Variants in TENT4A observed in about 807,000 individuals in gnomAD.
TENT4A encodes terminal nucleotidyltransferase 4A.
A neutral mutation model predicts 72.8 loss-of-function variants in TENT4A; 7 were observed. The observed-to-expected ratio is 0.10, with a 90% CI of 0.05 to 0.18. TENT4A has a LOEUF of 0.18. Ranked by LOEUF, TENT4A falls within the 10% of genes least tolerant of loss-of-function variation. The probability of loss-of-function intolerance (pLI) is 1.00; values close to 1 mark genes in which losing one functional copy is unlikely to be tolerated. For missense variants in TENT4A, 831 were observed against 1,017.7 expected (o/e 0.82, Z 2.50); for synonymous variants, 456 against 434.3 (o/e 1.05, Z -0.62).
At chr5:6,720,571 G>A (rs2126598029) in intron 1 of TENT4A, among the ~76,000 whole-genome samples, 1 of 152,066 alleles carries the variant, frequency 6.6e-6, no homozygotes, top group East Asian at 1.9e-4. Flanking sequence ...GACTACTCGG[G>A]AGGCAGAGGC....
rs747471659 is a variant in TENT4A, at chr5:6,750,314, G to T, written c.1688-17G>T. On this transcript the variant is annotated splice_polypyrimidine_tract_variant and intron_variant, in intron 9 of 12. Coordinates refer to ENST00000230859, the MANE Select transcript of TENT4A (RefSeq NM_006999.6). ...CAGTTCTCAGGAGTTATTAACCAAGGCTTTTTCCCTCCACAGACAGCAGGA... is the reference window on the plus strand; with the variant it reads ...CAGTTCTCAGGAGTTATTAACCAAGTCTTTTTCCCTCCACAGACAGCAGGA... 8 of 1,599,250 alleles carry T rather than the reference G, an allele frequency of 5.0e-6. No homozygotes were observed. In the South Asian group the frequency reaches 9.0e-5, roughly 18 times the overall value.
chr5:6,728,648 G>A (rs1741060630), intron 1 of TENT4A, among the ~76,000 whole-genome samples: 1 of 152,228 alleles, frequency 6.6e-6, no homozygotes, highest in South Asian at 2.1e-4. Context: ...AGCAGCATGA[G>A]GGCCTGTGGT....
intron 1 of TENT4A, among the ~76,000 whole-genome samples, chr5:6,724,120 A>G (rs998164878): frequency 3.3e-5 from 5 of 152,362 alleles, no homozygotes; most frequent in Admixed American, 2.6e-4. Flanking sequence ...AAGTGATTCA[A>G]GCGTCTTGCC....
chr5:6,721,958 T>C (rs1221309108), intron 1 of TENT4A, among the ~76,000 whole-genome samples: 2 of 152,222 alleles, frequency 1.3e-5, no homozygotes, highest in African/African-American at 4.8e-5. Context: ...TCTGGAATCC[T>C]GTCGATCTGA....
chr5:6,750,381 A>C lies in TENT4A; in HGVS notation c.1738A>C (p.Thr580Pro), dbSNP rs755512884. ...AATAGCCACATGCAATGGGGAGCAG[A>C]CGCAGAACCGAGAGCCCGAGTCTCC... ...ERIATCNGEQTQNREPESPYG... is the reference protein window; with the variant it reads ...ERIATCNGEQPQNREPESPYG... The change falls in exon 10 of 13, where the codon ACG becomes CCG. Residue 580 changes from threonine to proline, a missense_variant. By Grantham distance (38) the Thr-to-Pro change is conservative. Transcript: ENST00000230859. 33 of 1,612,994 alleles carry C rather than the reference A, an allele frequency of 2.0e-5. No individual in the cohort carries two copies. Among genetic ancestry groups the C allele is most frequent in the African/African-American group, 2.7e-5 (2 of 74,822 alleles).
Position 6,738,964 on chromosome 5 carries a change from C to T in TENT4A, c.887+235C>T, listed in dbSNP as rs574658908. 5.3e-5 allele frequency among the ~76,000 whole-genome samples: 8 copies of T among 152,306 alleles called. No individual in the cohort carries two copies. The Middle Eastern group carries it at 0.017, about 324-fold the overall frequency. On this transcript the variant is annotated intron_variant, in intron 3 of 12. Transcript: ENST00000230859. ...AATTTGTTGGGGTGCAAAAATGCTTCATGCTGGAAATATGAAGAAGACAGG... is the reference window on the plus strand; with the variant it reads ...AATTTGTTGGGGTGCAAAAATGCTTTATGCTGGAAATATGAAGAAGACAGG...
At position 6,748,582 on chromosome 5, in the gene TENT4A, C is replaced by T. The variant is rs775165936; in HGVS notation, c.1578C>T (p.Asp526=). ...SPLARSYPNR[D]AESTLGRIIK... ...TGGCCAGGTCCTATCCAAACAGAGACGCCGAAAGGTAATGGGTTGTGTGTC... is the reference window on the plus strand; with the variant it reads ...TGGCCAGGTCCTATCCAAACAGAGATGCCGAAAGGTAATGGGTTGTGTGTC... Residue 526 remains aspartate, a synonymous_variant, in exon 8 of 13, where the codon GAC becomes GAT. Transcript: ENST00000230859. 3.9e-5 allele frequency: 63 copies of T among 1,612,794 alleles called. No homozygotes were observed. Among genetic ancestry groups the T allele is most frequent in the African/African-American group, 1.5e-4 (11 of 74,878 alleles).
chr5:6,714,854 T>A (rs1253376518), intron 1 of TENT4A, 155 bp downstream of exon 1: 14 of 317,548 alleles, frequency 4.4e-5, no homozygotes, highest in Non-Finnish European at 7.2e-5. Flanking sequence ...GTTTTTTTTT[T>A]AAACATCAGA....
intron 3 of TENT4A, 29 bp from the exon 4 acceptor site, chr5:6,739,703 A>C (rs1225587833): frequency 6.2e-6 from 10 of 1,612,696 alleles, no homozygotes; most frequent in Non-Finnish European, 7.6e-6. Flanking sequence ...CGAGGGGAGC[A>C]GTGGCTGACG....
intron 1 of TENT4A, among the ~76,000 whole-genome samples, chr5:6,722,693 A>G (rs774806544): frequency 4.6e-4 from 65 of 140,458 alleles, no homozygotes; most frequent in Non-Finnish European, 8.8e-4. Context: ...TAACTCATTT[A>G]AAGTTGGTTA....
chr5:6,715,900 C>T (rs1339903860), intron 1 of TENT4A, among the ~76,000 whole-genome samples: 2 of 152,200 alleles, frequency 1.3e-5, no homozygotes, highest in South Asian at 2.1e-4. Context: ...TCTTCTCTCC[C>T]TCCAGTTCTT....
At chr5:6,731,093 A>G (rs1741188719) in intron 1 of TENT4A, among the ~76,000 whole-genome samples, 2 of 152,232 alleles carry the variant, frequency 1.3e-5, no homozygotes, top group South Asian at 4.1e-4. Context: ...TAAAATCTAC[A>G]AAATTGCAGG....
chr5:6,739,689 G>A (rs2126636273), intron 3 of TENT4A, 43 bp from the exon 4 acceptor site: 3 of 1,610,494 alleles, frequency 1.9e-6, no homozygotes, highest in Non-Finnish European at 2.5e-6. Flanking sequence ...TGTGTAGGCT[G>A]TGGCGAGGGG....
At chr5:6,743,444 C>G (rs753025720) in intron 5 of TENT4A, among the ~76,000 whole-genome samples, 4 of 152,150 alleles carry the variant, frequency 2.6e-5, no homozygotes, top group Non-Finnish European at 5.9e-5. Flanking sequence ...TCCTGAGTTC[C>G]TTTGTGCCTG....
intron 1 of TENT4A, among the ~76,000 whole-genome samples, chr5:6,724,212 C>T (rs1740793602): frequency 6.6e-6 from 1 of 152,332 alleles, no homozygotes; most frequent in African/African-American, 2.4e-5. Flanking sequence ...TTCCCACCTC[C>T]CCCACAGAGA....
intron 4 of TENT4A, among the ~76,000 whole-genome samples, chr5:6,740,576 G>A (rs1579481462): frequency 7.7e-6 from 1 of 130,682 alleles, no homozygotes; most frequent in East Asian, 2.3e-4. Flanking sequence ...GTGGTGATAG[G>A]GGAGGGGGCA....
intron 1 of TENT4A, among the ~76,000 whole-genome samples, chr5:6,716,424 T>C (rs1561023563): frequency 6.6e-6 from 1 of 152,184 alleles, no homozygotes; most frequent in Non-Finnish European, 1.5e-5. Context: ...CACATGCTGT[T>C]CGTTTGGCCC....
At chr5:6,722,545 T>TA (rs1302845898) in intron 1 of TENT4A, among the ~76,000 whole-genome samples, 142 of 125,740 alleles carry the variant, frequency 1.1e-3, no homozygotes, top group Non-Finnish European at 1.6e-3. Flanking sequence ...TTGCATTTGT[T>TA]AGTTTTTTTT....
In TENT4A at chr5:6,750,466, C is replaced by T. The variant is rs1348424433; in HGVS notation, c.1823C>T (p.Ser608Leu). Residue 608 changes from serine (S) to leucine (L), a missense_variant, in exon 10 of 13, where the codon TCG (serine) becomes TTG (leucine). Transcript: ENST00000230859. ...SSPQLLSSGSSASSVSSLSGS... is the reference protein window; with the variant it reads ...SSPQLLSSGSLASSVSSLSGS... ...CCCCAGCTCCTGTCTTCAGGCTCCT[C>T]GGCCTCTTCTGTGTCTTCACTTTCT... The T allele has an allele frequency of 2.5e-6, 4 of 1,607,590 alleles. No individual in the cohort carries two copies. The highest frequency in any genetic ancestry group is 1.1e-5 in the South Asian group (1 of 90,362).
Sources: allele counts gnomAD v4.1 joint callset (sites outside exome capture counted in the v4.1 genomes callset), GRCh38; gene constraint gnomAD v4.1.1; transcripts MANE v1.5; gene names NCBI Gene and HGNC (gene_info 2026-07-23, HGNC 2026-07-21).